MTO1: variants seen among roughly 807,000 people sequenced by gnomAD.
MTO1 encodes 5-taurinomethyluridine-[tRNA] synthase subunit MTO1, mitochondrial.
MTO1 carries 46 observed loss-of-function variants against 71.6 expected under a neutral mutation model. The observed-to-expected ratio is 0.64, with a 90% CI of 0.51 to 0.82. MTO1 has a LOEUF of 0.82. Among genes scored for constraint, MTO1 ranks in the 40% least tolerant of loss-of-function variants. The pLI, the probability that MTO1 is intolerant of heterozygous loss-of-function variation, is 0.00. For synonymous variants in MTO1, 297 were observed against 312.1 expected (o/e 0.95, Z 0.51); for missense variants, 773 against 867.5 (o/e 0.89, Z 1.37).
At position 73,494,495 on chromosome 6, in the gene MTO1, G is replaced by C. The variant is rs79833721; in HGVS notation, c.1756+2143G>C. ...TTTTTTTTTCTTTTTTTTTTTTTTTGAGACGGAGTCTCGCTTTGTCGCCCA... is the reference window on the plus strand; with the variant it reads ...TTTTTTTTTCTTTTTTTTTTTTTTTCAGACGGAGTCTCGCTTTGTCGCCCA... On this transcript the variant is annotated intron_variant, in intron 10 of 11. Coordinates refer to ENST00000498286, the MANE Select transcript of MTO1 (RefSeq NM_012123.4). Among the ~76,000 whole-genome samples, 71 of 69,102 alleles carry C rather than the reference G, an allele frequency of 1.0e-3. 2 individuals are homozygous for C. In the Admixed American group the frequency reaches 0.011, roughly 11 times the overall value. 45.3% of individuals were successfully genotyped at this position (69,102 alleles called of 152,430 possible).
At chr6:73,491,813 ATACTT>A (rs1270906611) in intron 9 of MTO1, among the ~76,000 whole-genome samples, 5 of 152,182 alleles carry the variant, frequency 3.3e-5, no homozygotes, top group Non-Finnish European at 5.9e-5. Context: ...TTTGCTCACT[ATACTT>A]AGAAATAATC....
At position 73,482,161 on chromosome 6, in the gene MTO1, A is replaced by G. The variant is rs760546933; in HGVS notation, c.1382A>G (p.Glu461Gly). Residue 461 changes from glutamate to glycine, a missense_variant, in exon 8 of 12, where the codon GAA (glutamate) becomes GGA (glycine). By Grantham distance (98) the Glu-to-Gly change is moderately conservative. Coordinates refer to ENST00000498286, the MANE Select transcript of MTO1 (RefSeq NM_012123.4). ...IDDLTTLGTS[E>G]PYRMFTSRVE... The stretch of plus-strand genomic sequence containing the variant: ...GACCTCACTACTCTGGGCACCAGTG[A>G]ACCATACCGCATGTTTACCAGCCGA... 3.1e-6 allele frequency: 5 copies of G among 1,614,160 alleles called. No individual in the cohort carries two copies. Among genetic ancestry groups the G allele is most frequent in the Non-Finnish European group, 4.2e-6 (5 of 1,180,036 alleles).
In MTO1 at chr6:73,462,055, C is replaced by G; in HGVS notation, c.201C>G (p.His67Gln). 2 of 1,613,756 alleles carry G rather than the reference C, an allele frequency of 1.2e-6. No individual in the cohort carries two copies. Among genetic ancestry groups the G allele is most frequent in the Non-Finnish European group, 1.7e-6 (2 of 1,179,870 alleles). The change falls in exon 1 of 12, where the codon CAC (histidine) becomes CAG (glutamine). Residue 67 changes from histidine to glutamine, a missense_variant. Physicochemically the swap from His to Gln is conservative, Grantham distance 24. Transcript: ENST00000498286. ...RCGSRTLLLT[H>Q]RVDTIGQMSC... is the part of the protein sequence containing the mutation. Reference sequence around the variant, plus strand: ...GCTCTCGGACTCTGCTCCTCACTCACCGCGTGGACACGATCGGTGAGGAGC... The same window carrying G: ...GCTCTCGGACTCTGCTCCTCACTCAGCGCGTGGACACGATCGGTGAGGAGC...
At chr6:73,486,006 C>T (rs1012729054) in intron 9 of MTO1, among the ~76,000 whole-genome samples, 5 of 152,162 alleles carry the variant, frequency 3.3e-5, no homozygotes, top group Middle Eastern at 3.2e-3. Flanking sequence ...TTAGGTAGCT[C>T]AGAAATTCCC....
intron 3 of MTO1, chr6:73,471,519 A>G (rs762107060): frequency 5.7e-5 from 25 of 440,912 alleles, no homozygotes; most frequent in South Asian, 4.0e-4. Flanking sequence ...GACCCAAGTG[A>G]TCTTCCTGCC....
At chr6:73,492,438 G>A (rs781129220) in intron 10 of MTO1, 86 bp downstream of exon 10, 3 of 879,022 alleles carry the variant, frequency 3.4e-6, no homozygotes, top group South Asian at 1.4e-5. Context: ...TGTTGGACCA[G>A]CACAGTGTTA....
intron 3 of MTO1, among the ~76,000 whole-genome samples, chr6:73,472,004 C>G (rs1402353050): frequency 1.1e-5 from 1 of 88,106 alleles, no homozygotes; most frequent in Non-Finnish European, 3.0e-5. Flanking sequence ...TAAGGTAGAG[C>G]TATCTGAGGA....
chr6:73,488,307 A>T (rs1422801792), intron 9 of MTO1, among the ~76,000 whole-genome samples: 2 of 151,990 alleles, frequency 1.3e-5, no homozygotes, highest in African/African-American at 4.8e-5. Context: ...CCAAGTAGCT[A>T]GGACCACAGG....
At position 73,492,331 on chromosome 6, in the gene MTO1, G is replaced by A; in HGVS notation, c.1735G>A (p.Ala579Thr). 6.2e-7 allele frequency: 1 copy of A among 1,611,282 alleles called. No individual in the cohort carries two copies. Among genetic ancestry groups the A allele is most frequent in the Non-Finnish European group, 8.5e-7 (1 of 1,177,572 alleles). The change falls in exon 10 of 12, where the codon GCT becomes ACT. Residue 579 changes from alanine to threonine, a missense_variant. Physicochemically the swap from Ala to Thr is moderately conservative, Grantham distance 58 (BLOSUM62 0). Transcript: ENST00000498286. ...LKKYTKCREL[A>T]ERLKIEATYE... ...GAAGTATACTAAATGTAGAGAGCTG[G>A]CTGAAAGACTGAAAATAGAAGGTAG...
rs116979579 is a variant in MTO1 at position 73,496,968 on chromosome 6, T to C, written c.1757-768T>C. Among the ~76,000 whole-genome samples, 772 of 151,112 alleles carry C rather than the reference T, an allele frequency of 5.1e-3. 24 individuals are homozygous for C. Among genetic ancestry groups the C allele is most frequent in the Admixed American group, 0.041 (613 of 15,130 alleles). On this transcript the variant is annotated intron_variant, in intron 10 of 11. Transcript: ENST00000498286. ...CTTAGGAGGCTGAGGCAGGAGAAAT[T>C]GCTTGAACCTGGGACGTGGAGGTTG... is the stretch of plus-strand genomic sequence containing the variant.
At chr6:73,481,364 A>G (rs982938462) in intron 7 of MTO1, among the ~76,000 whole-genome samples, 3 of 152,198 alleles carry the variant, frequency 2.0e-5, no homozygotes, top group Non-Finnish European at 4.4e-5. Flanking sequence ...TTATTTTAAT[A>G]TACTTCATTA....
At chr6:73,487,339 C>T (rs868644963) in intron 9 of MTO1, among the ~76,000 whole-genome samples, 34 of 151,348 alleles carry the variant, frequency 2.2e-4, no homozygotes, top group Admixed American at 2.0e-3. Context: ...TTACAGGCAC[C>T]CACCAGTAAT....
chr6:73,499,917 C>G (rs1469153576), intron 11 of MTO1, among the ~76,000 whole-genome samples: 2 of 152,256 alleles, frequency 1.3e-5, no homozygotes, highest in Non-Finnish European at 2.9e-5. Flanking sequence ...CGCTGCCCCA[C>G]ACACTGCTGA....
intron 9 of MTO1, among the ~76,000 whole-genome samples, chr6:73,489,413 CT>C (rs1346383338): frequency 6.6e-6 from 1 of 151,022 alleles, no homozygotes; most frequent in Non-Finnish European, 1.5e-5. Flanking sequence ...TTAGGTATAT[CT>C]CCTAATGCTA....
intron 6 of MTO1, chr6:73,480,356 TC>T (rs1561945848): frequency 1.5e-6 from 1 of 675,134 alleles, no homozygotes. Context: ...CACCACAACC[TC>T]CCCCTGCCAG....
At chr6:73,469,192 G>A (rs75522901) in intron 3 of MTO1, among the ~76,000 whole-genome samples, 1 of 151,898 alleles carries the variant, frequency 6.6e-6, no homozygotes, top group Non-Finnish European at 1.5e-5. Flanking sequence ...TTTTGGAGAC[G>A]TGGGATCTCC....
intron 11 of MTO1, 106 bp from the exon 12 acceptor site, chr6:73,500,465 TAAG>T (rs1349501995): frequency 1.2e-6 from 1 of 831,154 alleles, no homozygotes; most frequent in Non-Finnish European, 1.7e-6. Context: ...AAATAATAAT[TAAG>T]AAAATATTGT....
At chr6:73,481,701 G>A (rs553713767) in intron 7 of MTO1, among the ~76,000 whole-genome samples, 2 of 152,066 alleles carry the variant, frequency 1.3e-5, no homozygotes, top group East Asian at 1.9e-4. Flanking sequence ...TCAGGAAGTC[G>A]AGGCTGCAGT....
At position 73,472,768 on chromosome 6, in the gene MTO1, A is replaced by C. The variant is rs553985440; in HGVS notation, c.536-597A>C. 4.1e-4 allele frequency among the ~76,000 whole-genome samples: 63 copies of C among 152,332 alleles called. 1 individual carries two copies. In the Middle Eastern group the frequency reaches 0.014, roughly 33 times the overall value. On this transcript the variant is annotated intron_variant, in intron 3 of 11. Transcript: ENST00000498286. ...GGTGATGGTTATATTAATTAGCTTGATTATGGGTATCATCACAGAAGGTAT... is the reference window on the plus strand; with the variant it reads ...GGTGATGGTTATATTAATTAGCTTGCTTATGGGTATCATCACAGAAGGTAT...
Sources: gnomAD v4.1 joint callset for allele counts (sites outside exome capture counted in the v4.1 genomes callset) on GRCh38, gnomAD v4.1.1 for gene constraint, MANE v1.5 for transcripts, NCBI Gene and HGNC (gene_info 2026-07-23, HGNC 2026-07-21) for gene names.